MUC7: variants seen among roughly 807,000 people sequenced by gnomAD.
MUC7 encodes the protein mucin-7.
Under a neutral mutation model 2.5 loss-of-function variants are expected in MUC7, and 2 were observed. The ratio of observed to expected loss-of-function variants is 0.81; its 90% CI spans 0.33 to 2.55. The LOEUF is 2.55. Ranked by LOEUF, MUC7 falls within the 30% of genes most tolerant of loss-of-function variation. The pLI is 0.11. For synonymous variants in MUC7, 133 were observed against 173.4 expected, an observed-to-expected ratio of 0.77 and a Z score of 1.83; for missense variants, 408 against 455.6, an observed-to-expected ratio of 0.90 and a Z score of 0.95.
chr4:70,466,587 A>C (rs11941916), intron 1 of MUC7, among the ~76,000 whole-genome samples: 20,810 of 130,284 alleles, frequency 0.16, 1,687 homozygotes, highest in Middle Eastern at 0.29. Flanking sequence ...AATGGAAAGC[A>C]AAAAAAAAAG....
intron 1 of MUC7, among the ~76,000 whole-genome samples, chr4:70,439,928 C>G (rs2109704089): frequency 6.6e-6 from 1 of 151,960 alleles, no homozygotes; most frequent in East Asian, 1.9e-4. Flanking sequence ...ATCTTCACAA[C>G]AAAACTATGA....
rs142003389 is a variant in MUC7 at position 70,480,861 on chromosome 4, C to A, written c.117C>A (p.Pro39=). 1 of 1,613,998 alleles carries A rather than the reference C, an allele frequency of 6.2e-7. No homozygotes were observed. Among genetic ancestry groups the A allele is most frequent in the Non-Finnish European group, 8.5e-7 (1 of 1,179,992 alleles). Residue 39 remains proline (P), a synonymous_variant, in exon 3 of 3, where the codon CCC becomes CCA. Transcript: ENST00000304887. ...ACAGAAGGCATCATCACCAATCACC[C>A]AAATCTCACTTTGAATTACCACATT... ...LRHRRHHHQS[P]KSHFELPHYP... is the part of the protein sequence containing the mutation.
chr4:70,464,568 G>C (rs184148593), intron 1 of MUC7, among the ~76,000 whole-genome samples: 1 of 152,114 alleles, frequency 6.6e-6, no homozygotes, highest in Non-Finnish European at 1.5e-5. Context: ...CGGGGGAGGG[G>C]AATCTGCCAT....
At position 70,481,063 on chromosome 4, in the gene MUC7, G is replaced by T; in HGVS notation, c.319G>T (p.Ala107Ser). The T allele has an allele frequency of 1.2e-6, 2 of 1,614,062 alleles. No homozygotes were observed. Among genetic ancestry groups the T allele is most frequent in the South Asian group, 1.1e-5 (1 of 91,074 alleles). ...CAGTGTGGTCAACCCTACCTTAGTG[G>T]CTACAACCCAAATTCCATCTGTGAC... ...NSSVVNPTLV[A>S]TTQIPSVTFP... The change falls in exon 3 of 3, where the codon GCT (alanine) becomes TCT (serine). Residue 107 changes from alanine (A) to serine (S), a missense_variant. By Grantham distance (99) the Ala-to-Ser change is moderately conservative (BLOSUM62 1). This residue lies in a region of MUC7 where 225 missense variants were observed against 240.5 expected (regional missense o/e 0.94). Coordinates refer to ENST00000304887, the MANE Select transcript of MUC7 (RefSeq NM_152291.3).
Position 70,481,705 on chromosome 4 carries a change from G to A in MUC7, c.961G>A (p.Asp321Asn), listed in dbSNP as rs41436144. The stretch of plus-strand genomic sequence containing the variant: ...TTCTTCCCCAACTACTCTTGCACCT[G>A]ACACTTCTGAAACTTCAGCTGCACC... ...PNSSPTTLAP[D>N]TSETSAAPTH... The change falls in exon 3 of 3, where the codon GAC becomes AAC. Residue 321 changes from aspartate (D) to asparagine (N), a missense_variant. Physicochemically the swap from Asp to Asn is conservative, Grantham distance 23. Transcript: ENST00000304887. The A allele has an allele frequency of 8.4e-3, 13,487 of 1,614,022 alleles. 552 individuals carry two copies. In the African/African-American group the frequency reaches 0.1, roughly 13 times the overall value.
intron 1 of MUC7, among the ~76,000 whole-genome samples, chr4:70,453,093 A>T (rs1580578): frequency 6.6e-6 from 1 of 151,602 alleles, no homozygotes; most frequent in African/African-American, 2.4e-5. Context: ...ACAGCACTGG[A>T]TCTCATGCCA....
Position 70,481,277 on chromosome 4 carries a change from C to T in MUC7, c.533C>T (p.Ala178Val). The T allele has an allele frequency of 6.2e-7, 1 of 1,613,624 alleles. No individual in the cohort carries two copies. Among genetic ancestry groups the T allele is most frequent in the Non-Finnish European group, 8.5e-7 (1 of 1,179,846 alleles). ...CCCACACCTTCTGCAACTACACCAGCTCCACCATCTTCCTCAGCTCCACCA... is the reference window on the plus strand; with the variant it reads ...CCCACACCTTCTGCAACTACACCAGTTCCACCATCTTCCTCAGCTCCACCA... ...APPTPSATTP[A>V]PPSSSAPPET... is the part of the protein sequence containing the mutation. Residue 178 changes from alanine (A) to valine (V), a missense_variant, in exon 3 of 3, where the codon GCT becomes GTT. By Grantham distance (64) the Ala-to-Val change is moderately conservative. Transcript: ENST00000304887.
At chr4:70,435,679 T>C (rs1050462365) in intron 1 of MUC7, among the ~76,000 whole-genome samples, 6 of 152,154 alleles carry the variant, frequency 3.9e-5, no homozygotes, top group African/African-American at 1.2e-4. Flanking sequence ...ATTCTTTTAA[T>C]TGGGGCATTT....
intron 2 of MUC7, among the ~76,000 whole-genome samples, chr4:70,477,351 A>C (rs1432073867): frequency 6.6e-6 from 1 of 152,178 alleles, no homozygotes; most frequent in African/African-American, 2.4e-5. Flanking sequence ...CGTAGGTTGC[A>C]GTGAGCTGAG....
In MUC7 at chr4:70,457,250, C is replaced by T. The variant is rs530648411; in HGVS notation, c.-92-14965C>T. On this transcript the variant is annotated intron_variant, in intron 1 of 3. Coordinates refer to the MUC7 transcript ENST00000413702. Reference sequence around the variant, plus strand: ...TTGAGGCAAGAAGTTTGAGACAAGCCTGTACAACATAGTGAGACACCCATC... The same window carrying T: ...TTGAGGCAAGAAGTTTGAGACAAGCTTGTACAACATAGTGAGACACCCATC... Among the ~76,000 whole-genome samples the T allele has an allele frequency of 4.6e-5, 7 of 152,246 alleles. No individual in the cohort carries two copies. The East Asian group carries it at 1.4e-3, about 29-fold the overall frequency.
chr4:70,456,701 G>T (rs1577906133), intron 1 of MUC7, among the ~76,000 whole-genome samples: 1 of 152,166 alleles, frequency 6.6e-6, no homozygotes, highest in African/African-American at 2.4e-5. Flanking sequence ...GGGGATTACA[G>T]TTCAAGATGA....
intron 1 of MUC7, among the ~76,000 whole-genome samples, chr4:70,472,526 A>C (rs17663491): frequency 0.16 from 24,496 of 152,016 alleles, 2,153 homozygotes; most frequent in South Asian, 0.21. Context: ...AGGAACCTGA[A>C]GAATAATAAG....
intron 1 of MUC7, among the ~76,000 whole-genome samples, chr4:70,458,477 G>A (rs1577906899): frequency 6.6e-6 from 1 of 151,976 alleles, no homozygotes; most frequent in Admixed American, 6.6e-5. Context: ...CATAATTTTA[G>A]TTACATGTGC....
At chr4:70,432,949 G>T (rs1264987760) in intron 1 of MUC7, among the ~76,000 whole-genome samples, 1 of 152,228 alleles carries the variant, frequency 6.6e-6, no homozygotes, top group East Asian at 1.9e-4. Context: ...TCTACATATG[G>T]CTAGCCAGTT....
chr4:70,459,394 C>T (rs1180012608), intron 1 of MUC7, among the ~76,000 whole-genome samples: 1 of 151,976 alleles, frequency 6.6e-6, no homozygotes, highest in Non-Finnish European at 1.5e-5. Context: ...AACACATGGA[C>T]ACAGGAAGGG....
At chr4:70,440,569 T>C (rs1560545081) in intron 1 of MUC7, among the ~76,000 whole-genome samples, 5 of 152,144 alleles carry the variant, frequency 3.3e-5, no homozygotes, top group Non-Finnish European at 7.4e-5. Context: ...ATAATAATAA[T>C]ATGTTCCAAA....
At chr4:70,454,214 C>G (rs1734360567) in intron 1 of MUC7, among the ~76,000 whole-genome samples, 1 of 152,190 alleles carries the variant, frequency 6.6e-6, no homozygotes, top group South Asian at 2.1e-4. Context: ...AGCACTAGGA[C>G]TTGCCTAGAA....
At chr4:70,472,814 T>C (rs915934034) in intron 1 of MUC7, among the ~76,000 whole-genome samples, 1 of 152,216 alleles carries the variant, frequency 6.6e-6, no homozygotes, top group Non-Finnish European at 1.5e-5. Flanking sequence ...TGGGATTGTA[T>C]TGTAAAGTGT....
At chr4:70,437,048 T>G (rs1294917260) in intron 1 of MUC7, among the ~76,000 whole-genome samples, 1 of 152,168 alleles carries the variant, frequency 6.6e-6, no homozygotes, top group Admixed American at 6.6e-5. Context: ...CAGCAAATAT[T>G]GCTACCTGAT....
Sources: allele counts gnomAD v4.1 joint callset (sites outside exome capture counted in the v4.1 genomes callset), GRCh38; gene constraint gnomAD v4.1.1; regional missense constraint gnomAD v4.1.1; transcripts MANE v1.5; gene names NCBI Gene and HGNC (gene_info 2026-07-23, HGNC 2026-07-21).